Variants in ELP6 observed in about 807,000 individuals in gnomAD.
ELP6 encodes elongator complex protein 6.
A neutral mutation model predicts 28.1 loss-of-function variants in ELP6; 23 were observed. The ratio of observed to expected loss-of-function variants is 0.82; its 90% CI spans 0.59 to 1.16. ELP6 has a LOEUF of 1.16. ELP6 is among the 50% of genes most tolerant of loss of function. The probability of loss-of-function intolerance (pLI) is 0.00; values close to 1 mark genes in which losing one functional copy is unlikely to be tolerated. For synonymous variants in ELP6, 132 were observed against 135.8 expected, an observed-to-expected ratio of 0.97 and a Z score of 0.19; for missense variants, 313 against 334.6, an observed-to-expected ratio of 0.94 and a Z score of 0.50.
intron 5 of ELP6, chr3:47,500,357 T>A (rs1189958410): frequency 2.2e-6 from 1 of 456,778 alleles, no homozygotes. Context: ...CAAGATCAGC[T>A]TGGGCAACAT....
chr3:47,498,668 T>A, intron 5 of ELP6: 1 of 985,422 alleles, frequency 1.0e-6, no homozygotes, highest in Non-Finnish European at 1.2e-6. Context: ...GCTCACTTCA[T>A]CTAAACCAAC....
At chr3:47,501,356 T>A (rs1255346915) in intron 5 of ELP6, among the ~76,000 whole-genome samples, 12 of 152,166 alleles carry the variant, frequency 7.9e-5, no homozygotes, top group Admixed American at 7.9e-4. Context: ...TCAGGGATGA[T>A]AATAACTTGC....
At chr3:47,506,777 C>G (rs183292524) in intron 3 of ELP6, among the ~76,000 whole-genome samples, 1 of 152,144 alleles carries the variant, frequency 6.6e-6, no homozygotes, top group Non-Finnish European at 1.5e-5. Context: ...ACATCCTCCT[C>G]GGCTTGCGAG....
chr3:47,510,271 T>G lies in ELP6; in HGVS notation c.134-17A>C. On this transcript the variant is annotated splice_polypyrimidine_tract_variant and intron_variant, in intron 2 of 6. Coordinates refer to ENST00000296149, the MANE Select transcript of ELP6 (RefSeq NM_001031703.3). ...TACAATTAGCTAGAAAACAAAACAA[T>G]TATTTTAAATAAATCCTCTGGTTAC... 1 of 1,606,250 alleles carries G rather than the reference T, an allele frequency of 6.2e-7. No individual in the cohort carries two copies. Among genetic ancestry groups the G allele is most frequent in the Non-Finnish European group, 8.5e-7 (1 of 1,173,256 alleles).
intron 3 of ELP6, among the ~76,000 whole-genome samples, chr3:47,509,773 CTT>C (rs141981098): frequency 1.7e-4 from 24 of 141,470 alleles, no homozygotes; most frequent in Non-Finnish European, 1.7e-4. Context: ...CCCAAGATTT[CTT>C]TTTTTTTTTT....
At chr3:47,496,352 G>C in intron 6 of ELP6, 155 bp from the exon 7 acceptor site, 1 of 984,996 alleles carries the variant, frequency 1.0e-6, no homozygotes, top group Non-Finnish European at 1.2e-6. Flanking sequence ...GTAAAATAAA[G>C]CCTATCACCA....
At chr3:47,513,434 G>A in intron 1 of ELP6, 103 bp downstream of exon 1, 4 of 1,535,462 alleles carry the variant, frequency 2.6e-6, no homozygotes, top group Non-Finnish European at 2.6e-6. Context: ...ACCCCGTGCC[G>A]GGTCGTCGCG....
At chr3:47,496,406 T>C in intron 6 of ELP6, 2 of 985,096 alleles carry the variant, frequency 2.0e-6, no homozygotes, top group Non-Finnish European at 1.2e-6. Context: ...AGTAGTCATA[T>C]TGGCTCAATA....
chr3:47,503,051 T>A lies in ELP6; in HGVS notation c.324-1200A>T, dbSNP rs368675665. 1.4e-5 allele frequency: 14 copies of A among 1,027,494 alleles called. No homozygotes were observed. The African/African-American group carries it at 2.0e-4, about 15-fold the overall frequency. 63.6% of individuals were successfully genotyped at this position (1,027,494 alleles called of 1,614,324 possible). On this transcript the variant is annotated intron_variant, in intron 4 of 6. Transcript: ENST00000296149. ...AGCCCAGGGCCCAGGGCAACTGGCCTACTGCCTTATGCTCCAGGGATGAGC... is the reference window on the plus strand; with the variant it reads ...AGCCCAGGGCCCAGGGCAACTGGCCAACTGCCTTATGCTCCAGGGATGAGC...
Position 47,510,107 on chromosome 3 carries a change from A to G in ELP6, c.204+77T>C, listed in dbSNP as rs2108133112. 3.3e-6 allele frequency: 4 copies of G among 1,210,962 alleles called. No homozygotes were observed. In the East Asian group the frequency reaches 9.3e-5, roughly 28 times the overall value. The allele number at this position is 1,210,962 out of a possible 1,614,324, so 75.0% of individuals were successfully genotyped here. On this transcript the variant is annotated intron_variant, in intron 3 of 6. Transcript: ENST00000296149. ...TTGCTAAGTTCTGTACAATGCAAAC[A>G]GGAAAGCCAAGCTTTAGACCATGTG...
intron 5 of ELP6, among the ~76,000 whole-genome samples, chr3:47,499,271 C>T (rs1708568646): frequency 6.6e-6 from 1 of 152,070 alleles, no homozygotes; most frequent in Admixed American, 6.6e-5. Flanking sequence ...AATCCCAGCA[C>T]TTTGGAAGGC....
chr3:47,501,641 C>G lies in ELP6; in HGVS notation c.525+9G>C. On this transcript the variant is annotated intron_variant, in intron 5 of 6. Transcript: ENST00000296149. ...CAGGTGGGCGCAGAGAAGGCAGTTC[C>G]ATGAGTACCTTTAGTTCCCAGCACA... 1 of 1,613,936 alleles carries G rather than the reference C, an allele frequency of 6.2e-7. No homozygotes were observed. Among genetic ancestry groups the G allele is most frequent in the Non-Finnish European group, 8.5e-7 (1 of 1,179,872 alleles).
rs1425139248 is a variant in ELP6, at chr3:47,497,398, G to A, written c.672+888C>T. The stretch of plus-strand genomic sequence containing the variant: ...GTCGCCCAGGCTGGAGTGCAGTGGC[G>A]CGATCTTGGCTCACTGCAACCTCCG... On this transcript the variant is annotated intron_variant, in intron 6 of 6. Transcript: ENST00000296149. 1.5e-5 allele frequency: 14 copies of A among 951,346 alleles called. No individual in the cohort carries two copies. In the East Asian group the frequency reaches 1.4e-3, roughly 95 times the overall value. 58.9% of individuals were successfully genotyped at this position (951,346 alleles called of 1,614,324 possible).
chr3:47,504,981 C>G (rs1457707866), intron 3 of ELP6, among the ~76,000 whole-genome samples: 1 of 151,776 alleles, frequency 6.6e-6, no homozygotes, highest in African/African-American at 2.4e-5. Context: ...AAAACAAAAA[C>G]CTAGGCCAGG....
rs1464321223 is a variant in ELP6 at position 47,511,201 on chromosome 3, G to A, written c.80C>T (p.Ala27Val). Residue 27 changes from alanine to valine, a missense_variant, in exon 2 of 7, where the codon GCC (alanine) becomes GTC (valine). Physicochemically the swap from Ala to Val is moderately conservative, Grantham distance 64. Transcript: ENST00000296149. ...TACAAGGAAACTCCCATCTGTCTTG[G>A]CATCACAGAGTAGAGTCAGTTTCCC... The part of the protein sequence containing the change: ...EQGKLTLLCD[A>V]KTDGSFLVHH... 1.2e-6 allele frequency: 2 copies of A among 1,613,912 alleles called. No homozygotes were observed. Among genetic ancestry groups the A allele is most frequent in the Non-Finnish European group, 1.7e-6 (2 of 1,179,996 alleles).
At chr3:47,509,717 A>T (rs1413071119) in intron 3 of ELP6, among the ~76,000 whole-genome samples, 1 of 152,104 alleles carries the variant, frequency 6.6e-6, no homozygotes, top group African/African-American at 2.4e-5. Context: ...CTCGAATAAG[A>T]CATGCTGAGA....
chr3:47,497,029 G>T, intron 6 of ELP6: 2 of 984,578 alleles, frequency 2.0e-6, no homozygotes, highest in Non-Finnish European at 2.4e-6. Context: ...TGCTGGGCTT[G>T]GTCCTCTGTG....
chr3:47,512,669 A>G lies in ELP6; in HGVS notation c.54+868T>C, dbSNP rs1022109334. The G allele has an allele frequency of 1.3e-5, 13 of 985,370 alleles. No individual in the cohort carries two copies. In the African/African-American group the frequency reaches 2.3e-4, roughly 17 times the overall value. 61.0% of individuals were successfully genotyped at this position (985,370 alleles called of 1,614,324 possible). On this transcript the variant is annotated intron_variant, in intron 1 of 6. Coordinates refer to ENST00000296149, the MANE Select transcript of ELP6 (RefSeq NM_001031703.3). ...GTGAGGAGGGTGGAGAGAACAGGCCAGCCTGGGGTGCCCAAGACGGACTTG... is the reference window on the plus strand; with the variant it reads ...GTGAGGAGGGTGGAGAGAACAGGCCGGCCTGGGGTGCCCAAGACGGACTTG...
chr3:47,501,721 G>C lies in ELP6; in HGVS notation c.454C>G (p.Leu152Val). The C allele has an allele frequency of 6.2e-7, 1 of 1,613,966 alleles. No individual in the cohort carries two copies. The highest frequency in any genetic ancestry group is 1.3e-5 in the African/African-American group (1 of 74,976). The change falls in exon 5 of 7, where the codon CTG becomes GTG. Residue 152 changes from leucine to valine, a missense_variant. By Grantham distance (32) the Leu-to-Val change is conservative (BLOSUM62 1). Transcript: ENST00000296149. ...AGCACAGCCACCGCCCCCATGCCCA[G>C]GCTCAGGAGCACACTGAGGTCGTCC... is the stretch of plus-strand genomic sequence containing the variant. ...LVDDLSVLLS[L>V]GMGAVAVLDF...
Sources: gnomAD v4.1 joint callset for allele counts (sites outside exome capture counted in the v4.1 genomes callset) on GRCh38, gnomAD v4.1.1 for gene constraint, MANE v1.5 for transcripts, NCBI Gene and HGNC (gene_info 2026-07-23, HGNC 2026-07-21) for gene names.